FAT3: variants seen among roughly 807,000 people sequenced by gnomAD.
FAT3 encodes protocadherin Fat 3.
In FAT3, 95 loss-of-function variants were observed where a neutral mutation model predicts 310.2. The observed-to-expected ratio is 0.31, with a 90% CI of 0.26 to 0.36. The LOEUF is 0.36. Among genes scored for constraint, FAT3 ranks in the 10% least tolerant of loss-of-function variants. FAT3 has a pLI of 1.00. For synonymous variants in FAT3, 2,314 were observed against 2,192.9 expected (o/e 1.06, Z -1.54); for missense variants, 5,408 against 5,715.6 (o/e 0.95, Z 1.74).
chr11:92,746,748 T>A (rs1945683317), intron 4 of FAT3, among the ~76,000 whole-genome samples: 1 of 152,160 alleles, frequency 6.6e-6, no homozygotes, highest in Non-Finnish European at 1.5e-5. Context: ...ATATACCCAT[T>A]CCAAATGGGA....
At chr11:92,695,358 G>A (rs1007269460) in intron 3 of FAT3, among the ~76,000 whole-genome samples, 6 of 152,024 alleles carry the variant, frequency 3.9e-5, no homozygotes, top group Admixed American at 2.6e-4. Context: ...TGGTGATTCC[G>A]ATGGTCAGCT....
intron 18 of FAT3, among the ~76,000 whole-genome samples, chr11:92,842,916 C>G (rs1948587493): frequency 6.6e-6 from 1 of 152,110 alleles, no homozygotes; most frequent in Admixed American, 6.6e-5. Context: ...ATAAAAATAA[C>G]AATCACATGA....
chr11:92,605,623 TG>T (rs1940239858), intron 3 of FAT3, among the ~76,000 whole-genome samples: 1 of 151,148 alleles, frequency 6.6e-6, no homozygotes, highest in African/African-American at 2.4e-5. Context: ...GAGGGACAAA[TG>T]GAATAATAAT....
chr11:92,503,619 C>T (rs1322729038), intron 2 of FAT3, among the ~76,000 whole-genome samples: 2 of 152,096 alleles, frequency 1.3e-5, no homozygotes, highest in Non-Finnish European at 2.9e-5. Flanking sequence ...GAATCAATCT[C>T]TCAACCTCTC....
intron 19 of FAT3, among the ~76,000 whole-genome samples, chr11:92,845,429 T>C (rs1199041584): frequency 6.6e-6 from 1 of 152,100 alleles, no homozygotes; most frequent in Admixed American, 6.5e-5. Flanking sequence ...GGCAGTTCGA[T>C]TTGCTTCAGT....
At chr11:92,246,508 T>A (rs1345381569) in intron 1 of FAT3, among the ~76,000 whole-genome samples, 1 of 152,008 alleles carries the variant, frequency 6.6e-6, no homozygotes, top group Admixed American at 6.6e-5. Context: ...AAAGGGGAAC[T>A]ATTTGCTCTA....
intron 19 of FAT3, among the ~76,000 whole-genome samples, chr11:92,848,351 T>C (rs751554014): frequency 7.2e-5 from 11 of 152,152 alleles, no homozygotes; most frequent in Non-Finnish European, 1.5e-4. Flanking sequence ...GTGAGGTGGT[T>C]CCTGGTGAAC....
intron 14 of FAT3, among the ~76,000 whole-genome samples, chr11:92,833,844 A>T: frequency 6.6e-6 from 1 of 152,208 alleles, no homozygotes; most frequent in East Asian, 1.9e-4. Flanking sequence ...ATTTAGCACT[A>T]GTTAGCAAGA....
At chr11:92,338,907 A>G (rs1347176201) in intron 1 of FAT3, among the ~76,000 whole-genome samples, 1 of 152,008 alleles carries the variant, frequency 6.6e-6, no homozygotes, top group Non-Finnish European at 1.5e-5. Flanking sequence ...CATTGTAGGG[A>G]TGGAAGTCAT....
chr11:92,594,620 C>G (rs969028798), intron 3 of FAT3, among the ~76,000 whole-genome samples: 3 of 152,148 alleles, frequency 2.0e-5, no homozygotes, highest in Admixed American at 6.6e-5. Context: ...GTGTCAAGCA[C>G]TGTGCTGGAT....
At chr11:92,450,258 C>A (rs542570328) in intron 2 of FAT3, among the ~76,000 whole-genome samples, 1 of 152,176 alleles carries the variant, frequency 6.6e-6, no homozygotes, top group Non-Finnish European at 1.5e-5. Context: ...TTAAAATTAA[C>A]AATTTTGCAT....
At chr11:92,816,402 C>A (rs1276073706) in intron 13 of FAT3, among the ~76,000 whole-genome samples, 1 of 152,186 alleles carries the variant, frequency 6.6e-6, no homozygotes, top group African/African-American at 2.4e-5. Context: ...ATGAAGGCAG[C>A]ATGCCAGCTG....
At chr11:92,769,547 C>G (rs533537312) in intron 6 of FAT3, among the ~76,000 whole-genome samples, 2 of 152,328 alleles carry the variant, frequency 1.3e-5, no homozygotes, top group East Asian at 3.9e-4. Context: ...ACCTTTATTA[C>G]ACACCTCAGA....
intron 2 of FAT3, chr11:92,366,658 T>C (rs545396314): frequency 5.4e-5 from 29 of 534,592 alleles, no homozygotes; most frequent in African/African-American, 5.2e-4. Context: ...TTCAGAGACC[T>C]TCCACATGCT....
At chr11:92,861,126 T>C (rs1211353364) in intron 21 of FAT3, among the ~76,000 whole-genome samples, 2 of 152,200 alleles carry the variant, frequency 1.3e-5, no homozygotes, top group African/African-American at 4.8e-5. Flanking sequence ...TAGATCATTT[T>C]CTAAATAGCC....
intron 2 of FAT3, among the ~76,000 whole-genome samples, chr11:92,470,613 T>A (rs911915893): frequency 2.0e-5 from 3 of 152,206 alleles, no homozygotes; most frequent in African/African-American, 7.2e-5. Context: ...CTCACAGAAC[T>A]TCTTGGGTTA....
intron 3 of FAT3, among the ~76,000 whole-genome samples, chr11:92,543,091 G>T (rs372669967): frequency 1.1e-4 from 16 of 152,040 alleles, no homozygotes; most frequent in East Asian, 3.9e-4. Context: ...GACAAATACC[G>T]CATGATCTCA....
At chr11:92,590,952 C>A (rs1196193189) in intron 3 of FAT3, among the ~76,000 whole-genome samples, 1 of 152,024 alleles carries the variant, frequency 6.6e-6, no homozygotes, top group Non-Finnish European at 1.5e-5. Context: ...ATGGATGAGC[C>A]AACACAGACC....
chr11:92,304,364 T>C (rs1947069592), intron 1 of FAT3, among the ~76,000 whole-genome samples: 1 of 152,108 alleles, frequency 6.6e-6, no homozygotes, highest in Non-Finnish European at 1.5e-5. Context: ...ACATCAGGGC[T>C]AGCAGCTGCT....
Sources: gnomAD v4.1 joint callset for allele counts (sites outside exome capture counted in the v4.1 genomes callset) on GRCh38, gnomAD v4.1.1 for gene constraint, MANE v1.5 for transcripts, NCBI Gene and HGNC (gene_info 2026-07-23, HGNC 2026-07-21) for gene names.